Variants in SLCO3A1 observed in about 807,000 individuals in gnomAD.
SLCO3A1 encodes PGE1 transporter.
A neutral mutation model predicts 63.1 loss-of-function variants in SLCO3A1; 27 were observed. That is an observed-to-expected ratio of 0.43 (90% confidence interval 0.32 to 0.59). The LOEUF (loss-of-function observed/expected upper bound fraction) is 0.59. Among genes scored for constraint, SLCO3A1 ranks in the 20% least tolerant of loss-of-function variants. SLCO3A1 has a pLI of 0.09. For missense variants in SLCO3A1, 773 were observed against 945.8 expected (o/e 0.82, Z 2.40); for synonymous variants, 473 against 409.9 (o/e 1.15, Z -1.86).
chr15:91,949,468 A>G (rs940600461), intron 2 of SLCO3A1, among the ~76,000 whole-genome samples: 2 of 152,046 alleles, frequency 1.3e-5, no homozygotes, highest in African/African-American at 4.8e-5. Context: ...CATCCCTACT[A>G]AAAATATAAA....
chr15:91,937,311 AG>A (rs1899448629), intron 2 of SLCO3A1, among the ~76,000 whole-genome samples: 1 of 152,210 alleles, frequency 6.6e-6, no homozygotes, highest in African/African-American at 2.4e-5. Flanking sequence ...TCTAGGTGCC[AG>A]GCCCCATGGG....
intron 2 of SLCO3A1, among the ~76,000 whole-genome samples, chr15:92,010,232 G>A (rs1294895474): frequency 6.6e-6 from 1 of 152,202 alleles, no homozygotes; most frequent in Non-Finnish European, 1.5e-5. Context: ...AACCTATTCA[G>A]TGTTTCTCTA....
At position 92,161,108 on chromosome 15, in the gene SLCO3A1, C is replaced by CA. The variant is rs760268713; in HGVS notation, c.1754-1647dup. Among the ~76,000 whole-genome samples the CA allele has an allele frequency of 4.6e-5, 7 of 152,304 alleles. No homozygotes were observed. In the East Asian group the frequency reaches 1.3e-3, roughly 29 times the overall value. On this transcript the variant is annotated intron_variant, in intron 9 of 9. Coordinates refer to ENST00000318445, the MANE Select transcript of SLCO3A1 (RefSeq NM_013272.4). The stretch of plus-strand genomic sequence containing the variant: ...CAGAGGTATAGAGGCCCTGGGATCT[C>CA]AGAGTTGGCCACACCTAGTTCCAGA...
chr15:92,139,112 T>C (rs187155213), intron 7 of SLCO3A1, among the ~76,000 whole-genome samples: 51,522 of 146,600 alleles, frequency 0.35, 9,097 homozygotes, highest in East Asian at 0.41. Context: ...GGCTGTGGGT[T>C]TGTCATAGAT....
rs1318661977 is a variant in SLCO3A1, at chr15:91,882,986, G to C, written c.180+28898G>C. 6.6e-6 allele frequency among the ~76,000 whole-genome samples: 1 copy of C among 152,202 alleles called. No individual in the cohort carries two copies. The highest frequency in any genetic ancestry group is 1.5e-5 in the Non-Finnish European group (1 of 68,036). The stretch of plus-strand genomic sequence containing the variant: ...TGCTCTATTAATGCCCAGTGAGTAA[G>C]GGAATGACAGATGGGACAGCAGCCA... On this transcript the variant is annotated intron_variant, in intron 1 of 9. Transcript: ENST00000318445. The surrounding 1 kb of genome is among the most constrained non-coding windows in gnomAD (Gnocchi z 4.4).
chr15:92,120,076 A>AAC lies in SLCO3A1; in HGVS notation c.1010-371_1010-370dup, dbSNP rs138316241. ...TGATATTTATACTTTATTTTATATAAACACACACACACACACACATTTTTT... is the reference window on the plus strand; with the variant it reads ...TGATATTTATACTTTATTTTATATAAACACACACACACACACACACATTTTTT... On this transcript the variant is annotated intron_variant, in intron 4 of 9. Coordinates refer to ENST00000318445, the MANE Select transcript of SLCO3A1 (RefSeq NM_013272.4). Among the ~76,000 whole-genome samples, 433 of 150,974 alleles carry AAC rather than the reference A, an allele frequency of 2.9e-3. 2 individuals carry two copies. The highest frequency in any genetic ancestry group is 7.3e-3 in the African/African-American group (300 of 41,136).
chr15:91,969,926 G>A (rs1337279000), intron 2 of SLCO3A1, among the ~76,000 whole-genome samples: 1 of 152,170 alleles, frequency 6.6e-6, no homozygotes, highest in Non-Finnish European at 1.5e-5. Flanking sequence ...GCAGTCATCA[G>A]TTTGGACTCT....
At chr15:92,105,070 C>T (rs1484614121) in intron 4 of SLCO3A1, among the ~76,000 whole-genome samples, 3 of 151,932 alleles carry the variant, frequency 2.0e-5, no homozygotes, top group Non-Finnish European at 4.4e-5. Context: ...AGTTTGAGAC[C>T]AGCCTGGCCA....
intron 9 of SLCO3A1, among the ~76,000 whole-genome samples, chr15:92,151,535 G>A (rs1360600740): frequency 6.6e-6 from 1 of 152,088 alleles, no homozygotes; most frequent in African/African-American, 2.4e-5. Context: ...ATGGAAAGAA[G>A]GAAGAAAGTC....
chr15:92,014,022 C>G (rs1395806711), intron 2 of SLCO3A1, among the ~76,000 whole-genome samples: 1 of 152,168 alleles, frequency 6.6e-6, no homozygotes, highest in Non-Finnish European at 1.5e-5. Context: ...CCCATCTTTT[C>G]TGGACCAGGA....
intron 1 of SLCO3A1, among the ~76,000 whole-genome samples, chr15:91,904,936 A>C (rs1412221103): frequency 6.6e-6 from 1 of 152,192 alleles, no homozygotes; most frequent in Non-Finnish European, 1.5e-5. Context: ...GCTCTTGAGG[A>C]ATTTACATAC....
chr15:91,868,648 G>T (rs533991832), intron 1 of SLCO3A1, among the ~76,000 whole-genome samples: 93 of 152,134 alleles, frequency 6.1e-4, no homozygotes, highest in Admixed American at 3.5e-3. Flanking sequence ...GTGGCTTTGG[G>T]CATTTAGCTT....
intron 2 of SLCO3A1, among the ~76,000 whole-genome samples, chr15:92,024,885 C>A (rs1220030548): frequency 1.3e-5 from 2 of 151,692 alleles, no homozygotes; most frequent in Non-Finnish European, 2.9e-5. Context: ...ACCTACCCAC[C>A]CATCCGTCTA....
chr15:92,131,491 A>G (rs929483560), intron 7 of SLCO3A1, among the ~76,000 whole-genome samples: 2 of 143,396 alleles, frequency 1.4e-5, no homozygotes, highest in African/African-American at 2.5e-5. Flanking sequence ...CAGCCTCCCA[A>G]GTAGCTGGGA....
intron 2 of SLCO3A1, among the ~76,000 whole-genome samples, chr15:92,026,468 A>G (rs1047821871): frequency 6.6e-6 from 1 of 152,160 alleles, no homozygotes; most frequent in African/African-American, 2.4e-5. Flanking sequence ...TATTTTTCCT[A>G]CTGAGTAGAA....
chr15:92,139,611 T>G (rs549612720), intron 7 of SLCO3A1, among the ~76,000 whole-genome samples: 3 of 152,290 alleles, frequency 2.0e-5, no homozygotes, highest in Admixed American at 2.0e-4. Flanking sequence ...GGTTCTGGAC[T>G]CTTTTTGGTT....
intron 2 of SLCO3A1, among the ~76,000 whole-genome samples, chr15:91,966,686 A>G (rs10852165): frequency 0.27 from 41,106 of 152,176 alleles, 5,964 homozygotes; most frequent in East Asian, 0.38. Context: ...TGGGACCCTT[A>G]GGAGCAGTAA....
intron 1 of SLCO3A1, among the ~76,000 whole-genome samples, chr15:91,861,941 A>T (rs1452745223): frequency 9.5e-6 from 1 of 105,592 alleles, no homozygotes. Flanking sequence ...TGCCTTGCCA[A>T]GCCCTACTTT....
Position 91,882,744 on chromosome 15 carries a change from A to T in SLCO3A1, c.180+28656A>T, listed in dbSNP as rs1290354611. ...ACCATGTTGGCCAGGCTGGTCTCGA[A>T]CTCCTGACCTCAGGTCATCTGCCCA... is the stretch of plus-strand genomic sequence containing the variant. On this transcript the variant is annotated intron_variant, in intron 1 of 9. Coordinates refer to ENST00000318445, the MANE Select transcript of SLCO3A1 (RefSeq NM_013272.4). The surrounding 1 kb of genome is among the most constrained non-coding windows in gnomAD (Gnocchi z 4.4). 6.6e-6 allele frequency among the ~76,000 whole-genome samples: 1 copy of T among 151,998 alleles called. No homozygotes were observed. The highest frequency in any genetic ancestry group is 2.4e-5 in the African/African-American group (1 of 41,386).
Sources: allele counts gnomAD v4.1 joint callset (sites outside exome capture counted in the v4.1 genomes callset), GRCh38; gene constraint gnomAD v4.1.1; non-coding constraint Gnocchi (gnomAD v3.1); transcripts MANE v1.5; gene names NCBI Gene and HGNC (gene_info 2026-07-23, HGNC 2026-07-21).